ANO2: variants seen among roughly 807,000 people sequenced by gnomAD.
ANO2 encodes the protein anoctamin 2.
ANO2 carries 101 observed loss-of-function variants against 124.2 expected under a neutral mutation model. That is an observed-to-expected ratio of 0.81 (90% CI 0.69 to 0.96). The LOEUF (loss-of-function observed/expected upper bound fraction) is 0.96, where lower values mean the gene tolerates loss of function less well. Among genes scored for constraint, ANO2 ranks in the 40% least tolerant of loss-of-function variants. The probability of loss-of-function intolerance (pLI) is 0.00; values close to 1 mark genes in which losing one functional copy is unlikely to be tolerated. For synonymous variants in ANO2, 486 were observed against 482.5 expected (o/e 1.01, Z -0.09); for missense variants, 1,293 against 1,274.5 (o/e 1.01, Z -0.22).
intron 1 of ANO2, among the ~76,000 whole-genome samples, chr12:5,928,833 C>G (rs1237694070): frequency 2.7e-5 from 1 of 36,788 alleles, no homozygotes; most frequent in Non-Finnish European, 5.1e-5. Context: ...TTTCCTTACT[C>G]GTCTACCTTC....
intron 4 of ANO2, among the ~76,000 whole-genome samples, chr12:5,838,826 G>A (rs1349242738): frequency 6.6e-6 from 1 of 152,216 alleles, no homozygotes; most frequent in Non-Finnish European, 1.5e-5. Context: ...GACTTACGGA[G>A]AGCAGGGACC....
At chr12:5,917,333 T>C (rs1407117184) in intron 3 of ANO2, among the ~76,000 whole-genome samples, 1 of 144,870 alleles carries the variant, frequency 6.9e-6, no homozygotes, top group African/African-American at 2.5e-5. Flanking sequence ...TTTTAGTGTA[T>C]GTCCCCAATA....
At chr12:5,747,244 G>A (rs1484593640) in intron 11 of ANO2, among the ~76,000 whole-genome samples, 3 of 152,178 alleles carry the variant, frequency 2.0e-5, no homozygotes, top group African/African-American at 7.2e-5. Context: ...CAGGCTTGAT[G>A]ACAAAATTAG....
At chr12:5,725,302 G>T (rs1336774175) in intron 14 of ANO2, among the ~76,000 whole-genome samples, 1 of 152,166 alleles carries the variant, frequency 6.6e-6, no homozygotes, top group Non-Finnish European at 1.5e-5. Context: ...TGTCAGGGGT[G>T]AGCATTCCTG....
At chr12:5,915,694 G>A (rs965377602) in intron 3 of ANO2, among the ~76,000 whole-genome samples, 1 of 152,180 alleles carries the variant, frequency 6.6e-6, no homozygotes, top group Non-Finnish European at 1.5e-5. Flanking sequence ...CCTCTCCTGT[G>A]AAGCCCCCAT....
Position 5,923,074 on chromosome 12 carries a change from G to A in ANO2, c.23-270C>T, listed in dbSNP as rs1428767449. Among the ~76,000 whole-genome samples, 51 of 33,848 alleles carry A rather than the reference G, an allele frequency of 1.5e-3. 1 individual carries two copies. Among genetic ancestry groups the A allele is most frequent in the African/African-American group, 3.0e-3 (38 of 12,822 alleles). The allele number at this position is 33,848 out of a possible 152,430, so 22.2% of individuals were successfully genotyped here. ...CACACACCCACATACACACACACAT[G>A]CACACATACACACACACACGCACAC... On this transcript the variant is annotated intron_variant, in intron 1 of 24. Transcript: ENST00000682330.
At chr12:5,732,484 T>C (rs1459062094) in intron 14 of ANO2, 36 bp downstream of exon 14, 1 of 1,561,496 alleles carries the variant, frequency 6.4e-7, no homozygotes, top group African/African-American at 1.4e-5. Flanking sequence ...TCTCAACAAG[T>C]AAAGAGGACC....
chr12:5,725,454 C>T lies in ANO2; in HGVS notation c.1545+7066G>A, dbSNP rs565339662. Among the ~76,000 whole-genome samples the T allele has an allele frequency of 4.6e-5, 7 of 152,260 alleles. No individual in the cohort carries two copies. In the South Asian group the frequency reaches 1.0e-3, roughly 23 times the overall value. ...CTGGACTTTCGTGCCAGCGCTTTGC[C>T]GGTTGCTTTCAGATAGATTCTGCTG... On this transcript the variant is annotated intron_variant, in intron 14 of 24. Coordinates refer to ENST00000682330, the MANE Select transcript of ANO2 (RefSeq NM_001364791.2).
intron 1 of ANO2, among the ~76,000 whole-genome samples, chr12:5,931,063 C>T (rs1232967338): frequency 6.6e-6 from 1 of 152,172 alleles, no homozygotes. Context: ...CTCTCTCATC[C>T]TGGGCTCACA....
chr12:5,757,452 C>A (rs1951613971), intron 10 of ANO2, among the ~76,000 whole-genome samples: 1 of 152,116 alleles, frequency 6.6e-6, no homozygotes, highest in Admixed American at 6.5e-5. Flanking sequence ...GAGAAAAGTA[C>A]AATCTACCAA....
At chr12:5,942,170 C>G (rs7398572) in intron 1 of ANO2, among the ~76,000 whole-genome samples, 51,748 of 152,140 alleles carry the variant, frequency 0.34, 11,054 homozygotes, top group East Asian at 0.79. Flanking sequence ...TAGCCATTGA[C>G]TGTTCCCTAT....
chr12:5,914,976 C>A (rs1272675829), intron 3 of ANO2, among the ~76,000 whole-genome samples: 5 of 152,154 alleles, frequency 3.3e-5, no homozygotes, highest in South Asian at 2.1e-4. Context: ...GCCGACCAGA[C>A]CTCCCCAGAG....
intron 7 of ANO2, 29 bp downstream of exon 7, chr12:5,827,740 G>C: frequency 6.2e-7 from 1 of 1,601,862 alleles, no homozygotes; most frequent in Non-Finnish European, 8.5e-7. Flanking sequence ...GCGCCCGTCA[G>C]CACCCTGCCC....
chr12:5,665,641 C>T (rs251774), intron 14 of ANO2, among the ~76,000 whole-genome samples: 151,553 of 151,664 alleles, frequency 1, 75,721 homozygotes, highest in Middle Eastern at 1. Context: ...AGTGCCTTCA[C>T]CTGAGCGAGC....
At chr12:5,936,234 A>C (rs1394192424) in intron 1 of ANO2, among the ~76,000 whole-genome samples, 1 of 152,198 alleles carries the variant, frequency 6.6e-6, no homozygotes, top group East Asian at 1.9e-4. Flanking sequence ...CCTGCAACCA[A>C]AAATGCTCTT....
intron 14 of ANO2, among the ~76,000 whole-genome samples, chr12:5,708,625 T>C (rs1591961007): frequency 1.3e-5 from 2 of 152,320 alleles, no homozygotes; most frequent in South Asian, 4.1e-4. Flanking sequence ...CCCTGTGACC[T>C]TAGAGCCATT....
At chr12:5,725,700 G>C (rs768620664) in intron 14 of ANO2, among the ~76,000 whole-genome samples, 1 of 152,016 alleles carries the variant, frequency 6.6e-6, no homozygotes, top group Non-Finnish European at 1.5e-5. Flanking sequence ...CCTGGGCTCT[G>C]GTAAGGCCAG....
At chr12:5,651,258 A>C (rs2136960219) in intron 14 of ANO2, among the ~76,000 whole-genome samples, 1 of 152,380 alleles carries the variant, frequency 6.6e-6, no homozygotes, top group South Asian at 2.1e-4. Context: ...AGCAAGTAGC[A>C]CAGTAATAAA....
At chr12:5,939,094 G>C (rs962068258) in intron 1 of ANO2, among the ~76,000 whole-genome samples, 2 of 149,990 alleles carry the variant, frequency 1.3e-5, no homozygotes, top group Non-Finnish European at 3.0e-5. Context: ...GTGCGCGCCT[G>C]TAGTCCCAGC....
Sources: allele counts gnomAD v4.1 joint callset (sites outside exome capture counted in the v4.1 genomes callset), GRCh38; gene constraint gnomAD v4.1.1; transcripts MANE v1.5; gene names NCBI Gene and HGNC (gene_info 2026-07-23, HGNC 2026-07-21).